TYW1B: variants seen among roughly 807,000 people sequenced by gnomAD.
TYW1B encodes tRNA-yW synthesizing protein 1 homolog B, also known as S-adenosyl-L-methionine-dependent tRNA 4-demethylwyosine synthase TYW1B.
TYW1B carries 73 observed loss-of-function variants against 86.9 expected under a neutral mutation model. That is an observed-to-expected ratio of 0.84 (90% confidence interval 0.70 to 1.02). TYW1B has a LOEUF of 1.02. TYW1B is among the 50% of genes least tolerant of loss of function. TYW1B has a pLI of 0.00. For synonymous variants in TYW1B, 248 were observed against 292.8 expected (o/e 0.85, Z 1.56); for missense variants, 637 against 827.4 (o/e 0.77, Z 2.82).
intron 6 of TYW1B, among the ~76,000 whole-genome samples, chr7:72,793,523 G>A (rs1439301689): frequency 2.6e-5 from 4 of 152,016 alleles, no homozygotes; most frequent in African/African-American, 9.7e-5. Context: ...GAGGTGGGCA[G>A]ATCACAAGGT....
chr7:72,682,699 A>T (rs1167268511), intron 11 of TYW1B, among the ~76,000 whole-genome samples: 1 of 152,216 alleles, frequency 6.6e-6, no homozygotes, highest in East Asian at 1.9e-4. Context: ...CCATCAGAGA[A>T]GTGAGGTCAC....
At chr7:72,765,293 T>G (rs533059138) in intron 7 of TYW1B, among the ~76,000 whole-genome samples, 1 of 152,330 alleles carries the variant, frequency 6.6e-6, no homozygotes, top group Non-Finnish European at 1.5e-5. Flanking sequence ...GAAAAAGTTA[T>G]GTCTCTATAG....
chr7:72,589,705 C>T (rs782382334), intron 13 of TYW1B, among the ~76,000 whole-genome samples: 1 of 152,154 alleles, frequency 6.6e-6, no homozygotes, highest in African/African-American at 2.4e-5. Flanking sequence ...GGTGAAACCC[C>T]ATCTCTACTA....
intron 2 of TYW1B, 85 bp from the exon 3 acceptor site, chr7:72,815,566 G>T: frequency 8.1e-7 from 1 of 1,228,200 alleles, no homozygotes; most frequent in Non-Finnish European, 1.2e-6. Context: ...CAAGAATGTG[G>T]CATTCCTCAT....
chr7:72,714,069 C>T (rs1259149338), intron 9 of TYW1B, among the ~76,000 whole-genome samples: 2 of 151,544 alleles, frequency 1.3e-5, no homozygotes, highest in Non-Finnish European at 2.9e-5. Context: ...CAGAATAAGT[C>T]CCTTTGCATA....
rs184188247 is a variant in TYW1B at position 72,645,040 on chromosome 7, G to A, written c.1507-16043C>T. On this transcript the variant is annotated intron_variant, in intron 11 of 13. Coordinates refer to ENST00000620995, the MANE Select transcript of TYW1B (RefSeq NM_001145440.3). ...GATGCGGTTTCACCGTGTTAGCCAG[G>A]ATGGTCTTGATCTCCTGAACTCATG... Among the ~76,000 whole-genome samples, 640 of 152,138 alleles carry A rather than the reference G, an allele frequency of 4.2e-3. 4 individuals carry two copies. The highest frequency in any genetic ancestry group is 7.1e-3 in the Non-Finnish European group (480 of 67,972).
intron 13 of TYW1B, among the ~76,000 whole-genome samples, chr7:72,579,992 G>C (rs1231713919): frequency 1.3e-5 from 2 of 152,096 alleles, no homozygotes; most frequent in Non-Finnish European, 2.9e-5. Context: ...TATTAGATCA[G>C]GGCTTACCCC....
chr7:72,732,271 G>C (rs3015866), intron 8 of TYW1B, among the ~76,000 whole-genome samples: 105,099 of 151,396 alleles, frequency 0.69, 37,301 homozygotes, highest in Non-Finnish European at 0.77. Context: ...TTAAACCATA[G>C]GACAAACTGA....
chr7:72,714,792 C>T (rs1214830236), intron 9 of TYW1B, among the ~76,000 whole-genome samples: 3 of 152,172 alleles, frequency 2.0e-5, no homozygotes, highest in Non-Finnish European at 4.4e-5. Context: ...TGGCGGATGC[C>T]AGTAATCCCA....
At chr7:72,805,877 G>C (rs183418183) in intron 5 of TYW1B, among the ~76,000 whole-genome samples, 36 of 152,196 alleles carry the variant, frequency 2.4e-4, no homozygotes, top group Admixed American at 1.8e-3. Flanking sequence ...AGTTGCTGCT[G>C]AATTATGCAA....
chr7:72,756,200 T>TA (rs1787584492), intron 7 of TYW1B, among the ~76,000 whole-genome samples: 287 of 146,256 alleles, frequency 2.0e-3, no homozygotes, highest in African/African-American at 7.0e-3. Flanking sequence ...AGTTTATTAT[T>TA]TTTTTATTTT....
At chr7:72,788,268 T>C (rs1788162333) in intron 6 of TYW1B, among the ~76,000 whole-genome samples, 1 of 151,992 alleles carries the variant, frequency 6.6e-6, no homozygotes, top group South Asian at 2.1e-4. Context: ...AGTGAGCCAC[T>C]GCACCCGGCC....
chr7:72,694,686 C>T lies in TYW1B; in HGVS notation c.1506+1G>A, dbSNP rs782559239. 1 of 1,604,014 alleles carries T rather than the reference C, an allele frequency of 6.2e-7. No individual in the cohort carries two copies. The highest frequency in any genetic ancestry group is 1.8e-5 in the Admixed American group (1 of 56,936). ...TATTTTTAAGATGTCATAATTCTTA[C>T]CTTGACTGCCAAGGCTTTTAAACTG... On this transcript the variant is annotated splice_donor_variant, in intron 11 of 13. Coordinates refer to ENST00000620995, the MANE Select transcript of TYW1B (RefSeq NM_001145440.3). LOFTEE classifies it high-confidence loss of function.
chr7:72,630,506 A>G (rs1380325399), intron 11 of TYW1B, among the ~76,000 whole-genome samples: 6 of 147,208 alleles, frequency 4.1e-5, no homozygotes, highest in African/African-American at 1.2e-4. Context: ...AATACTCAAG[A>G]AAAAAAAAAA....
intron 7 of TYW1B, among the ~76,000 whole-genome samples, chr7:72,758,457 T>C (rs1585961519): frequency 1.3e-5 from 2 of 151,202 alleles, no homozygotes; most frequent in African/African-American, 4.9e-5. Flanking sequence ...AAAACATTTT[T>C]TTCTCTTAGA....
intron 11 of TYW1B, among the ~76,000 whole-genome samples, chr7:72,662,747 G>A (rs1813364914): frequency 6.6e-6 from 1 of 152,098 alleles, no homozygotes; most frequent in African/African-American, 2.4e-5. Flanking sequence ...TCCTATGAAA[G>A]TGGCAAATGA....
At chr7:72,637,885 C>T (rs1812710885) in intron 11 of TYW1B, among the ~76,000 whole-genome samples, 1 of 151,182 alleles carries the variant, frequency 6.6e-6, no homozygotes, top group African/African-American at 2.4e-5. Flanking sequence ...AATTTCAGCC[C>T]TTTGAGGCTC....
intron 7 of TYW1B, among the ~76,000 whole-genome samples, chr7:72,752,548 T>C (rs921611692): frequency 2.6e-5 from 4 of 152,026 alleles, no homozygotes; most frequent in Non-Finnish European, 5.9e-5. Context: ...CTGGCCAACA[T>C]GGTGAAACCC....
chr7:72,630,478 T>A (rs1203790250), intron 11 of TYW1B, among the ~76,000 whole-genome samples: 1 of 151,388 alleles, frequency 6.6e-6, no homozygotes, highest in East Asian at 1.9e-4. Flanking sequence ...AAACCACACC[T>A]TAAGTAGCAA....
Sources: allele counts gnomAD v4.1 joint callset (sites outside exome capture counted in the v4.1 genomes callset), GRCh38; gene constraint gnomAD v4.1.1; transcripts MANE v1.5; gene names NCBI Gene and HGNC (gene_info 2026-07-23, HGNC 2026-07-21).